FSTL5: variants seen among roughly 807,000 people sequenced by gnomAD.
The protein encoded by FSTL5 is follistatin like 5.
Under a neutral mutation model 89.1 loss-of-function variants are expected in FSTL5, and 62 were observed. That is an observed-to-expected ratio of 0.70 (90% CI 0.57 to 0.86). The LOEUF is 0.86. Ranked by LOEUF, FSTL5 falls within the 40% of genes least tolerant of loss-of-function variation. FSTL5 has a pLI of 0.00. For missense variants in FSTL5, 1,057 were observed against 1,001.6 expected, an observed-to-expected ratio of 1.06 and a Z score of -0.75; for synonymous variants, 383 against 346.2, an observed-to-expected ratio of 1.11 and a Z score of -1.18.
intron 6 of FSTL5, among the ~76,000 whole-genome samples, chr4:161,669,123 A>ATAAAT (rs1553956607): frequency 6.2e-5 from 9 of 144,162 alleles, no homozygotes; most frequent in South Asian, 2.2e-4. Flanking sequence ...AAAAAAAAAA[A>ATAAAT]AAAATAAAAT....
intron 15 of FSTL5, among the ~76,000 whole-genome samples, chr4:161,404,959 G>T (rs190086510): frequency 1.3e-5 from 2 of 152,092 alleles, no homozygotes; most frequent in African/African-American, 4.8e-5. Context: ...AGCTGGGGGC[G>T]GTGGCTCATG....
chr4:161,521,507 G>GA (rs1285416139), intron 10 of FSTL5, among the ~76,000 whole-genome samples: 5 of 151,854 alleles, frequency 3.3e-5, no homozygotes, highest in Admixed American at 1.3e-4. Context: ...AGTTTAGAAG[G>GA]AAAAATTAAA....
intron 13 of FSTL5, among the ~76,000 whole-genome samples, chr4:161,474,315 CATT>C (rs1315234505): frequency 6.6e-6 from 1 of 152,024 alleles, no homozygotes; most frequent in Admixed American, 6.5e-5. Flanking sequence ...ATTTTAAACG[CATT>C]ATTTTCTTAA....
intron 13 of FSTL5, among the ~76,000 whole-genome samples, chr4:161,462,945 G>A (rs1380175982): frequency 1.3e-5 from 2 of 152,004 alleles, no homozygotes; most frequent in Non-Finnish European, 2.9e-5. Flanking sequence ...TAAGGACCAC[G>A]CACTACAAAA....
intron 12 of FSTL5, among the ~76,000 whole-genome samples, chr4:161,499,784 T>A (rs1041736107): frequency 1.6e-4 from 25 of 152,132 alleles, no homozygotes; most frequent in African/African-American, 5.5e-4. Context: ...ACCTTCATTT[T>A]AGCAAATTCT....
At chr4:161,560,317 G>A (rs72687540) in intron 8 of FSTL5, among the ~76,000 whole-genome samples, 11,293 of 151,944 alleles carry the variant, frequency 0.074, 541 homozygotes, top group Middle Eastern at 0.17. Context: ...CAGTGAGTAT[G>A]TGGTGAGTGA....
At chr4:161,502,022 T>C (rs1706308562) in intron 11 of FSTL5, among the ~76,000 whole-genome samples, 1 of 152,048 alleles carries the variant, frequency 6.6e-6, no homozygotes, top group Admixed American at 6.6e-5. Context: ...CTATGTTTGA[T>C]TTTTATTACT....
At chr4:161,713,998 T>A (rs893206079) in intron 6 of FSTL5, among the ~76,000 whole-genome samples, 2 of 152,220 alleles carry the variant, frequency 1.3e-5, no homozygotes, top group Non-Finnish European at 2.9e-5. Flanking sequence ...TTCCACTTTT[T>A]AAAACCTATT....
At chr4:161,862,155 T>G (rs1161675900) in intron 4 of FSTL5, among the ~76,000 whole-genome samples, 1 of 152,238 alleles carries the variant, frequency 6.6e-6, no homozygotes, top group Non-Finnish European at 1.5e-5. Context: ...TATTGTTTAC[T>G]AACTTGTGAT....
chr4:162,056,815 A>C (rs1738561051), intron 2 of FSTL5, among the ~76,000 whole-genome samples: 1 of 152,188 alleles, frequency 6.6e-6, no homozygotes, highest in Admixed American at 6.5e-5. Context: ...GGATTCACAA[A>C]GCTTTATTAA....
rs547140369 is a variant in FSTL5, at chr4:162,003,143, CA to C, written c.160+30481del. ...TGGGGGACAGAGCAAGACTCCGTCT[CA>C]AAAAAAAAGAAATTAGCAGAAGCCA... On this transcript the variant is annotated intron_variant, in intron 3 of 15. Transcript: ENST00000306100. 7.3e-3 allele frequency among the ~76,000 whole-genome samples: 1,094 copies of C among 149,942 alleles called. 13 individuals are homozygous for C. The highest frequency in any genetic ancestry group is 0.024 in the African/African-American group (992 of 40,864).
intron 15 of FSTL5, among the ~76,000 whole-genome samples, chr4:161,407,748 GC>G (rs1731435761): frequency 8.0e-6 from 1 of 125,366 alleles, no homozygotes; most frequent in African/African-American, 2.9e-5. Flanking sequence ...TATCCCACAG[GC>G]CCACCTACCC....
chr4:161,633,288 CTTTTTATT>C (rs1189267699), intron 7 of FSTL5, among the ~76,000 whole-genome samples: 2 of 99,966 alleles, frequency 2.0e-5, no homozygotes, highest in East Asian at 6.2e-4. Context: ...TAAACTAATT[CTTTTTATT>C]ATTATTATTA....
chr4:161,566,135 TAC>T lies in FSTL5; in HGVS notation c.1015+21318_1015+21319del, dbSNP rs1553998308. Among the ~76,000 whole-genome samples the T allele has an allele frequency of 6.3e-3, 345 of 55,042 alleles. 4 individuals carry two copies. Among genetic ancestry groups the T allele is most frequent in the African/African-American group, 0.022 (296 of 13,272 alleles). 36.1% of individuals were successfully genotyped at this position (55,042 alleles called of 152,430 possible). On this transcript the variant is annotated intron_variant, in intron 8 of 15. Coordinates refer to ENST00000306100, the MANE Select transcript of FSTL5 (RefSeq NM_020116.5). ...ATATATATATATATATATATATATATACACACACACACACACACACCGTGGAA... is the reference window on the plus strand; with the variant it reads ...ATATATATATATATATATATATATATACACACACACACACACACCGTGGAA...
chr4:161,508,536 G>T (rs905616959), intron 11 of FSTL5, among the ~76,000 whole-genome samples: 5 of 151,962 alleles, frequency 3.3e-5, no homozygotes, highest in African/African-American at 1.2e-4. Context: ...ATTACTGAGG[G>T]TATAAATTTC....
intron 3 of FSTL5, among the ~76,000 whole-genome samples, chr4:161,970,864 CTG>C (rs532601658): frequency 4.2e-4 from 64 of 151,990 alleles, no homozygotes; most frequent in African/African-American, 1.4e-3. Flanking sequence ...GCAATTGTAA[CTG>C]TATCAGTTAT....
intron 6 of FSTL5, among the ~76,000 whole-genome samples, chr4:161,757,010 T>A (rs897016737): frequency 6.6e-6 from 1 of 152,170 alleles, no homozygotes; most frequent in African/African-American, 2.4e-5. Flanking sequence ...TTAGACTGCT[T>A]ATTTATTAAA....
At chr4:161,914,419 C>T (rs1733783956) in intron 4 of FSTL5, among the ~76,000 whole-genome samples, 2 of 151,902 alleles carry the variant, frequency 1.3e-5, no homozygotes, top group East Asian at 3.9e-4. Context: ...AATAACAAAC[C>T]CACTTCATAA....
intron 7 of FSTL5, among the ~76,000 whole-genome samples, chr4:161,599,462 C>G (rs1422963409): frequency 6.6e-6 from 1 of 152,116 alleles, no homozygotes; most frequent in Admixed American, 6.6e-5. Context: ...TTTATAGCAT[C>G]ATTTTTAATA....
Sources: allele counts gnomAD v4.1 joint callset (sites outside exome capture counted in the v4.1 genomes callset), GRCh38; gene constraint gnomAD v4.1.1; transcripts MANE v1.5; gene names NCBI Gene and HGNC (gene_info 2026-07-23, HGNC 2026-07-21).